CDH13: variants seen among roughly 807,000 people sequenced by gnomAD.
The protein encoded by CDH13 is cadherin-13.
CDH13 carries 24 observed loss-of-function variants against 63.8 expected under a neutral mutation model. That is an observed-to-expected ratio of 0.38 (90% CI 0.27 to 0.53). CDH13 has a LOEUF of 0.53. CDH13 is among the 20% of genes least tolerant of loss of function. The probability of loss-of-function intolerance (pLI) is 0.85; values close to 1 mark genes in which losing one functional copy is unlikely to be tolerated. For missense variants in CDH13, 1,049 were observed against 903.1 expected (o/e 1.16, Z -2.07); for synonymous variants, 503 against 355.3 (o/e 1.42, Z -4.67).
At chr16:82,667,366 A>G (rs1352360042) in intron 1 of CDH13, among the ~76,000 whole-genome samples, 1 of 152,192 alleles carries the variant, frequency 6.6e-6, no homozygotes, top group Non-Finnish European at 1.5e-5. Context: ...CCCCAAGTGC[A>G]ACTGATTGAG....
chr16:83,109,396 T>C (rs954642516), intron 3 of CDH13, among the ~76,000 whole-genome samples: 3 of 152,122 alleles, frequency 2.0e-5, no homozygotes, highest in African/African-American at 7.2e-5. Context: ...AAGGAGTAAG[T>C]GGGAAGGGCC....
chr16:82,719,115 G>T (rs904994565), intron 1 of CDH13, among the ~76,000 whole-genome samples: 60 of 152,190 alleles, frequency 3.9e-4, no homozygotes, highest in Admixed American at 3.9e-3. Context: ...TTTGCAGTTT[G>T]TGAAGTCCTG....
chr16:82,969,238 T>C (rs577174847), intron 2 of CDH13, among the ~76,000 whole-genome samples: 1 of 152,312 alleles, frequency 6.6e-6, no homozygotes, highest in East Asian at 1.9e-4. Flanking sequence ...GGTGATATAG[T>C]TTCTCTTATA....
At chr16:82,996,046 A>G (rs1284217575) in intron 2 of CDH13, among the ~76,000 whole-genome samples, 1 of 152,154 alleles carries the variant, frequency 6.6e-6, no homozygotes, top group Non-Finnish European at 1.5e-5. Flanking sequence ...TTGTTTGTTC[A>G]TATGGCTGTG....
At chr16:83,414,763 G>A (rs1452936477) in intron 6 of CDH13, among the ~76,000 whole-genome samples, 1 of 152,118 alleles carries the variant, frequency 6.6e-6, no homozygotes, top group East Asian at 1.9e-4. Context: ...TCACTTGTGA[G>A]GTTGAATCAT....
At chr16:82,705,413 T>C (rs775499427) in intron 1 of CDH13, 17 of 254,304 alleles carry the variant, frequency 6.7e-5, no homozygotes, top group Non-Finnish European at 9.4e-5. Context: ...TCGCCTCTAG[T>C]GGTCCATATG....
At chr16:82,729,809 A>T (rs904536609) in intron 1 of CDH13, among the ~76,000 whole-genome samples, 41 of 152,222 alleles carry the variant, frequency 2.7e-4, no homozygotes, top group African/African-American at 9.9e-4. Flanking sequence ...CTACACGAAA[A>T]ATCTGTTTAG....
At chr16:82,881,334 G>C (rs1466787858) in intron 2 of CDH13, among the ~76,000 whole-genome samples, 3 of 152,028 alleles carry the variant, frequency 2.0e-5, no homozygotes, top group African/African-American at 7.3e-5. Context: ...GAGTATTCTG[G>C]GGGTCATCTG....
chr16:82,826,539 C>T (rs1000235843), intron 1 of CDH13: 3 of 152,096 alleles, frequency 2.0e-5, no homozygotes, highest in Admixed American at 1.3e-4. Context: ...CTATTATATG[C>T]ATATGTATAA....
intron 4 of CDH13, among the ~76,000 whole-genome samples, chr16:83,188,039 G>C (rs2038579875): frequency 6.6e-6 from 1 of 152,224 alleles, no homozygotes; most frequent in South Asian, 2.1e-4. Context: ...GGCTGAAGCA[G>C]AGGGAGCAAG....
chr16:83,260,113 C>G (rs1906792827), intron 5 of CDH13, among the ~76,000 whole-genome samples: 2 of 148,280 alleles, frequency 1.3e-5, no homozygotes, highest in Admixed American at 1.3e-4. Context: ...CACACACACA[C>G]ACACACACAC....
intron 5 of CDH13, among the ~76,000 whole-genome samples, chr16:83,309,085 C>T (rs2089943201): frequency 6.6e-6 from 1 of 152,164 alleles, no homozygotes; most frequent in Non-Finnish European, 1.5e-5. Flanking sequence ...GCTTGTCCCT[C>T]CATATCGTAA....
At chr16:83,014,715 A>G (rs1200436456) in intron 2 of CDH13, among the ~76,000 whole-genome samples, 2 of 137,050 alleles carry the variant, frequency 1.5e-5, no homozygotes, top group Admixed American at 1.5e-4. Context: ...TGGGCAACAG[A>G]GGGAGACTCC....
chr16:83,055,221 A>T (rs948092923), intron 3 of CDH13, among the ~76,000 whole-genome samples: 3 of 152,060 alleles, frequency 2.0e-5, no homozygotes, highest in Non-Finnish European at 4.4e-5. Context: ...GCATATATAA[A>T]TCAGAGAACA....
rs61186735 is a variant in CDH13, at chr16:83,062,962, A to ATTTT, written c.366+30759_366+30762dup. ...TCAGATGTCTTATGTGGTGGTTGGC[A>ATTTT]TTTTTTTTTTTTTTTTTTGAGTCAG... is the stretch of plus-strand genomic sequence containing the variant. On this transcript the variant is annotated intron_variant, in intron 3 of 13. Transcript: ENST00000567109. Among the ~76,000 whole-genome samples, 8 of 134,080 alleles carry ATTTT rather than the reference A, an allele frequency of 6.0e-5. 1 individual carries two copies. The highest frequency in any genetic ancestry group is 1.1e-4 in the African/African-American group (4 of 35,860). 88.0% of individuals were successfully genotyped at this position (134,080 alleles called of 152,430 possible).
chr16:82,647,501 C>T (rs1284029549), intron 1 of CDH13, among the ~76,000 whole-genome samples: 2 of 152,170 alleles, frequency 1.3e-5, no homozygotes, highest in Non-Finnish European at 2.9e-5. Flanking sequence ...GTTACTCAGG[C>T]AGGTACTGCT....
At chr16:83,643,268 T>A (rs1974864) in intron 8 of CDH13, among the ~76,000 whole-genome samples, 60,189 of 71,422 alleles carry the variant, frequency 0.84, 25,168 homozygotes, top group African/African-American at 0.87. Flanking sequence ...ATGTACCCTA[T>A]AACTTAGAGT....
At chr16:83,402,138 G>A (rs1471707811) in intron 6 of CDH13, among the ~76,000 whole-genome samples, 1 of 152,092 alleles carries the variant, frequency 6.6e-6, no homozygotes, top group African/African-American at 2.4e-5. Flanking sequence ...GAACTTTGAT[G>A]CTGTACACTA....
At chr16:83,015,922 T>C (rs1567747320) in intron 2 of CDH13, among the ~76,000 whole-genome samples, 4 of 151,728 alleles carry the variant, frequency 2.6e-5, no homozygotes. Flanking sequence ...CTTCCCATGA[T>C]AATTCAAATA....
Sources: allele counts gnomAD v4.1 joint callset (sites outside exome capture counted in the v4.1 genomes callset), GRCh38; gene constraint gnomAD v4.1.1; transcripts MANE v1.5; gene names NCBI Gene and HGNC (gene_info 2026-07-23, HGNC 2026-07-21).